Variants in OTUD7A observed in about 807,000 individuals in gnomAD.
The protein encoded by OTUD7A is OTU domain-containing protein 7A.
A neutral mutation model predicts 65.7 loss-of-function variants in OTUD7A; 12 were observed. The ratio of observed to expected loss-of-function variants is 0.18; its 90% CI spans 0.12 to 0.30. OTUD7A has a LOEUF of 0.30. Among genes scored for constraint, OTUD7A ranks in the 10% least tolerant of loss-of-function variants. The pLI, the probability that OTUD7A is intolerant of heterozygous loss-of-function variation, is 1.00. For synonymous variants in OTUD7A, 641 were observed against 586.3 expected (o/e 1.09, Z -1.35); for missense variants, 1,148 against 1,304.8 (o/e 0.88, Z 1.85).
chr15:31,829,492 T>C (rs1389371716), intron 1 of OTUD7A, among the ~76,000 whole-genome samples: 1 of 152,212 alleles, frequency 6.6e-6, no homozygotes, highest in Non-Finnish European at 1.5e-5. Flanking sequence ...CATCTTGGCA[T>C]GATATGAGGA....
intron 3 of OTUD7A, among the ~76,000 whole-genome samples, chr15:31,608,747 T>G (rs945923136): frequency 6.6e-6 from 1 of 152,208 alleles, no homozygotes; most frequent in Non-Finnish European, 1.5e-5. Flanking sequence ...ATGGTGGACA[T>G]GAGGCAGGAC....
At chr15:31,830,360 G>A (rs868848297) in intron 1 of OTUD7A, among the ~76,000 whole-genome samples, 2 of 152,206 alleles carry the variant, frequency 1.3e-5, no homozygotes, top group African/African-American at 4.8e-5. Flanking sequence ...AATGGAGAGA[G>A]AAAGGTCAAG....
At chr15:31,554,196 T>C (rs1313954715) in intron 5 of OTUD7A, among the ~76,000 whole-genome samples, 2 of 152,088 alleles carry the variant, frequency 1.3e-5, no homozygotes, top group African/African-American at 2.4e-5. Flanking sequence ...CTCCCCAGAG[T>C]AGCCTCTGAG....
intron 1 of OTUD7A, among the ~76,000 whole-genome samples, chr15:31,830,504 G>A (rs577170206): frequency 1.3e-5 from 2 of 152,348 alleles, no homozygotes; most frequent in South Asian, 4.1e-4. Context: ...GCTCAGACTC[G>A]TCAATTTTGA....
At chr15:31,821,369 C>T (rs1240712931) in intron 1 of OTUD7A, among the ~76,000 whole-genome samples, 2 of 142,990 alleles carry the variant, frequency 1.4e-5, no homozygotes, top group African/African-American at 5.2e-5. Flanking sequence ...TGGTCTCAAT[C>T]TCCTGACCTC....
chr15:31,767,405 A>C, intron 1 of OTUD7A: 1 of 775,420 alleles, frequency 1.3e-6, no homozygotes, highest in Admixed American at 1.7e-5. Context: ...CATGTCATTC[A>C]AATCCAACAT....
chr15:31,483,259 G>A lies in OTUD7A; in HGVS notation c.*35C>T, dbSNP rs954818482. On this transcript the variant is annotated 3_prime_UTR_variant, in exon 13 of 13. Transcript: ENST00000307050. Reference sequence around the variant, plus strand: ...ACACAATGGAAAAGAAATCCTCGAAGGTAGAACCTCGCCGCCCGCGCCGCG... The same window carrying A: ...ACACAATGGAAAAGAAATCCTCGAAAGTAGAACCTCGCCGCCCGCGCCGCG... 8.4e-6 allele frequency: 9 copies of A among 1,071,940 alleles called. No individual in the cohort carries two copies. The highest frequency in any genetic ancestry group is 4.2e-4 in the Middle Eastern group (1 of 2,384). The allele number at this position is 1,071,940 out of a possible 1,614,324, so 66.4% of individuals were successfully genotyped here.
Position 31,484,005 on chromosome 15 carries a change from C to CGTG in OTUD7A, c.2088_2090dup (p.Thr697dup). On this transcript the variant is annotated inframe_insertion, in exon 13 of 13. Transcript: ENST00000307050. The surrounding 1 kb of genome is among the most constrained non-coding windows in gnomAD (Gnocchi z 4.5). ...CCGGTCTGCGCGGCGGCCGCTTGGC[C>CGTG]GTGGCGGCGGCGGCGGCGGCGGCAG... 2 of 1,073,604 alleles carry CGTG rather than the reference C, an allele frequency of 1.9e-6. No homozygotes were observed. The highest frequency in any genetic ancestry group is 2.2e-6 in the Non-Finnish European group (2 of 905,392). 66.5% of individuals were successfully genotyped at this position (1,073,604 alleles called of 1,614,324 possible).
chr15:31,769,022 A>G (rs1895162429), intron 1 of OTUD7A, among the ~76,000 whole-genome samples: 1 of 152,220 alleles, frequency 6.6e-6, no homozygotes, highest in Non-Finnish European at 1.5e-5. Flanking sequence ...ACAAATCAAT[A>G]ATTAAATGCA....
chr15:31,862,270 T>C (rs530133667), intron 1 of OTUD7A, among the ~76,000 whole-genome samples: 2 of 152,348 alleles, frequency 1.3e-5, no homozygotes, highest in South Asian at 4.1e-4. Flanking sequence ...CAATGAGCCC[T>C]TGTATGCCTG....
chr15:31,610,133 A>C (rs1890357347), intron 3 of OTUD7A, among the ~76,000 whole-genome samples: 1 of 152,220 alleles, frequency 6.6e-6, no homozygotes, highest in Admixed American at 6.5e-5. Context: ...TAATGTGATA[A>C]AACAAAAGCA....
At chr15:31,802,957 C>T (rs1288666197) in intron 1 of OTUD7A, among the ~76,000 whole-genome samples, 1 of 152,202 alleles carries the variant, frequency 6.6e-6, no homozygotes, top group African/African-American at 2.4e-5. Context: ...TGAATTCACC[C>T]AGTCAGGAGG....
intron 8 of OTUD7A, among the ~76,000 whole-genome samples, chr15:31,512,044 GTT>G (rs2041761431): frequency 6.6e-6 from 1 of 152,142 alleles, no homozygotes; most frequent in South Asian, 2.1e-4. Flanking sequence ...CCTAAGGAAT[GTT>G]TTACTGCCCC....
chr15:31,807,892 T>C (rs748333804), intron 1 of OTUD7A, among the ~76,000 whole-genome samples: 48 of 151,788 alleles, frequency 3.2e-4, no homozygotes, highest in Non-Finnish European at 3.1e-4. Flanking sequence ...AACCATCCAA[T>C]TGAGAGAGCC....
At chr15:31,634,802 TG>T (rs1891289837) in intron 3 of OTUD7A, among the ~76,000 whole-genome samples, 1 of 152,242 alleles carries the variant, frequency 6.6e-6, no homozygotes, top group African/African-American at 2.4e-5. Flanking sequence ...CGCCTCAGTC[TG>T]GGGCCCTTTT....
At position 31,662,040 on chromosome 15, in the gene OTUD7A, C is replaced by T. The variant is rs184893232; in HGVS notation, c.-99-4963G>A. On this transcript the variant is annotated intron_variant, in intron 1 of 12. Transcript: ENST00000307050. The stretch of plus-strand genomic sequence containing the variant: ...TAAATCAGCACTGGGATGTAAGACT[C>T]GATCAGATTCAGATTCAATTTGGGG... Among the ~76,000 whole-genome samples the T allele has an allele frequency of 7.4e-4, 113 of 152,264 alleles. No individual in the cohort carries two copies. The Middle Eastern group carries it at 0.017, about 23-fold the overall frequency.
chr15:31,704,838 A>G (rs1014788779), intron 1 of OTUD7A, among the ~76,000 whole-genome samples: 1 of 152,368 alleles, frequency 6.6e-6, no homozygotes, highest in African/African-American at 2.4e-5. Context: ...TTGCAGAAGC[A>G]AAGTTCTATT....
At chr15:31,709,271 C>G (rs1282822592) in intron 1 of OTUD7A, among the ~76,000 whole-genome samples, 2 of 152,160 alleles carry the variant, frequency 1.3e-5, no homozygotes, top group Non-Finnish European at 2.9e-5. Context: ...AAGCAGAGAG[C>G]TGAGGGACCC....
intron 1 of OTUD7A, among the ~76,000 whole-genome samples, chr15:31,694,647 C>T (rs187478754): frequency 3.3e-5 from 5 of 151,838 alleles, no homozygotes; most frequent in Admixed American, 6.6e-5. Context: ...ACCTGGCCAA[C>T]ACCATTCTGC....
Sources: gnomAD v4.1 joint callset for allele counts (sites outside exome capture counted in the v4.1 genomes callset) on GRCh38, gnomAD v4.1.1 for gene constraint, Gnocchi (gnomAD v3.1) non-coding constraint, MANE v1.5 for transcripts, NCBI Gene and HGNC (gene_info 2026-07-23, HGNC 2026-07-21) for gene names.